The following PTPRD variants were observed in gnomAD, a reference collection of about 807,000 sequenced individuals.
PTPRD encodes receptor-type tyrosine-protein phosphatase delta.
PTPRD carries 34 observed loss-of-function variants against 214.5 expected under a neutral mutation model. The observed-to-expected ratio is 0.16, with a 90% CI of 0.12 to 0.21. The LOEUF (loss-of-function observed/expected upper bound fraction) is 0.21. Ranked by LOEUF, PTPRD falls within the 10% of genes least tolerant of loss-of-function variation. PTPRD has a pLI of 1.00. For synonymous variants in PTPRD, 1,128 were observed against 845.7 expected (o/e 1.33, Z -5.79); for missense variants, 2,545 against 2,398.7 (o/e 1.06, Z -1.27).
chr9:9,997,725 G>C (rs7022931), intron 4 of PTPRD, among the ~76,000 whole-genome samples: 2,408 of 152,088 alleles, frequency 0.016, 61 homozygotes, highest in African/African-American at 0.054. Context: ...AAGGCAGCTT[G>C]AAAAGCCAGG....
intron 6 of PTPRD, among the ~76,000 whole-genome samples, chr9:9,737,562 C>T (rs1019160023): frequency 1.3e-5 from 2 of 152,086 alleles, no homozygotes; most frequent in African/African-American, 4.8e-5. Context: ...CTGGATTTGC[C>T]TATTCTGTAC....
At chr9:9,944,175 G>C (rs887081011) in intron 4 of PTPRD, among the ~76,000 whole-genome samples, 1 of 152,064 alleles carries the variant, frequency 6.6e-6, no homozygotes, top group Non-Finnish European at 1.5e-5. Flanking sequence ...CATCTTTCCT[G>C]TTTGCCCATT....
chr9:8,760,289 C>T (rs1031936757), intron 11 of PTPRD, among the ~76,000 whole-genome samples: 12 of 152,146 alleles, frequency 7.9e-5, no homozygotes, highest in African/African-American at 2.9e-4. Flanking sequence ...TTATTTCAAT[C>T]ATCAGCTTTT....
intron 12 of PTPRD, among the ~76,000 whole-genome samples, chr9:8,644,975 A>G (rs1274658987): frequency 6.6e-6 from 1 of 152,248 alleles, no homozygotes; most frequent in Admixed American, 6.5e-5. Flanking sequence ...TGGCCAGGAA[A>G]ATAACACCCC....
At chr9:9,567,977 C>G (rs955624679) in intron 8 of PTPRD, among the ~76,000 whole-genome samples, 12 of 151,470 alleles carry the variant, frequency 7.9e-5, no homozygotes, top group African/African-American at 2.9e-4. Context: ...TATCTCGTGC[C>G]TAGATATGTA....
At chr9:8,829,612 C>A (rs1317817769) in intron 11 of PTPRD, among the ~76,000 whole-genome samples, 3 of 152,156 alleles carry the variant, frequency 2.0e-5, no homozygotes, top group African/African-American at 7.2e-5. Flanking sequence ...CCCTGACTTG[C>A]ACACAGGTTG....
At chr9:9,180,864 G>A (rs2099927802) in intron 10 of PTPRD, among the ~76,000 whole-genome samples, 1 of 152,030 alleles carries the variant, frequency 6.6e-6, no homozygotes, top group Non-Finnish European at 1.5e-5. Context: ...TACACATCAT[G>A]TCTTAAAAAT....
At chr9:8,557,478 C>G (rs1442288985) in intron 14 of PTPRD, among the ~76,000 whole-genome samples, 1 of 138,422 alleles carries the variant, frequency 7.2e-6, no homozygotes, top group African/African-American at 3.2e-5. Context: ...CGCGGTGGCT[C>G]ATCCCCGTAA....
intron 3 of PTPRD, among the ~76,000 whole-genome samples, chr9:10,242,359 G>A (rs2091246264): frequency 6.6e-6 from 1 of 151,942 alleles, no homozygotes; most frequent in Admixed American, 6.6e-5. Context: ...CCACTTCACT[G>A]CAGTAGGCCA....
chr9:10,075,685 G>T (rs183111191), intron 3 of PTPRD, among the ~76,000 whole-genome samples: 47 of 151,806 alleles, frequency 3.1e-4, no homozygotes, highest in African/African-American at 1.1e-3. Context: ...TTCTGGGGGG[G>T]AGGGGGAAAA....
At chr9:10,336,629 G>A (rs916058085) in intron 3 of PTPRD, among the ~76,000 whole-genome samples, 1 of 151,438 alleles carries the variant, frequency 6.6e-6, no homozygotes, top group Non-Finnish European at 1.5e-5. Flanking sequence ...ATTAGGTCTA[G>A]GTAATATTTA....
chr9:9,343,663 T>C (rs2047692671), intron 9 of PTPRD, among the ~76,000 whole-genome samples: 1 of 152,022 alleles, frequency 6.6e-6, no homozygotes, highest in Admixed American at 6.6e-5. Flanking sequence ...TAAAACATTA[T>C]ATCAAACAAG....
At chr9:9,449,415 T>C (rs2091475863) in intron 8 of PTPRD, among the ~76,000 whole-genome samples, 2 of 40,070 alleles carry the variant, frequency 5.0e-5, no homozygotes, top group Admixed American at 4.7e-4. Flanking sequence ...TTGCTATATA[T>C]ATATTTTTAA....
intron 6 of PTPRD, among the ~76,000 whole-genome samples, chr9:9,747,499 A>T (rs1357627860): frequency 6.6e-6 from 1 of 151,900 alleles, no homozygotes; most frequent in Admixed American, 6.6e-5. Flanking sequence ...TTTGGGGAAA[A>T]ATGGTGCCTC....
intron 10 of PTPRD, among the ~76,000 whole-genome samples, chr9:9,094,436 G>A (rs144572838): frequency 6.6e-6 from 1 of 152,214 alleles, no homozygotes; most frequent in South Asian, 2.1e-4. Flanking sequence ...ACCAAAAATC[G>A]TATGTTCCCA....
At chr9:10,541,458 C>T (rs1287232504) in intron 2 of PTPRD, among the ~76,000 whole-genome samples, 1 of 151,926 alleles carries the variant, frequency 6.6e-6, no homozygotes, top group East Asian at 1.9e-4. Context: ...AATGCATTTT[C>T]AATTGTCTGT....
At chr9:9,671,102 CTG>C (rs1336258446) in intron 7 of PTPRD, among the ~76,000 whole-genome samples, 1 of 152,158 alleles carries the variant, frequency 6.6e-6, no homozygotes, top group Non-Finnish European at 1.5e-5. Flanking sequence ...GGGAGGGAAA[CTG>C]TACCCTACAA....
At chr9:9,935,369 C>A (rs1046803881) in intron 5 of PTPRD, among the ~76,000 whole-genome samples, 3 of 152,154 alleles carry the variant, frequency 2.0e-5, no homozygotes, top group Non-Finnish European at 4.4e-5. Context: ...TGATAAGCGA[C>A]TTCAGCAGTC....
At chr9:8,450,866 C>T (rs1041030880) in intron 33 of PTPRD, among the ~76,000 whole-genome samples, 1 of 152,182 alleles carries the variant, frequency 6.6e-6, no homozygotes, top group African/African-American at 2.4e-5. Context: ...ATACTAACGC[C>T]TGCAATCTCT....
Sources: gnomAD v4.1 joint callset for allele counts (sites outside exome capture counted in the v4.1 genomes callset) on GRCh38, gnomAD v4.1.1 for gene constraint, MANE v1.5 for transcripts, NCBI Gene and HGNC (gene_info 2026-07-23, HGNC 2026-07-21) for gene names.